Variants in UBA1 observed in about 807,000 individuals in gnomAD.
The protein encoded by UBA1 is ubiquitin-like modifier-activating enzyme 1.
In UBA1, 4 loss-of-function variants were observed where a neutral mutation model predicts 84.7. The observed-to-expected ratio is 0.05, with a 90% CI of 0.02 to 0.11. UBA1 has a LOEUF of 0.11. Ranked by LOEUF, UBA1 falls within the 10% of genes least tolerant of loss-of-function variation. The probability of loss-of-function intolerance (pLI) is 1.00; values close to 1 mark genes in which losing one functional copy is unlikely to be tolerated. For missense variants in UBA1, 513 were observed against 902.8 expected, an observed-to-expected ratio of 0.57 and a Z score of 5.53; for synonymous variants, 364 against 362.6, an observed-to-expected ratio of 1.00 and a Z score of -0.04.
rs1257662841 is a variant in UBA1, at chrX:47,203,573, C to T, written c.1452C>T (p.Leu484=). The T allele has an allele frequency of 1.7e-6, 2 of 1,208,298 alleles. No homozygotes were observed. The highest frequency in any genetic ancestry group is 2.2e-6 in the Non-Finnish European group (2 of 894,823). Reference sequence around the variant, plus strand: ...CGGGGGCCATTGGCTGTGAGCTGCTCAAGAACTTTGCCATGATTGGGCTGG... The same window carrying T: ...CGGGGGCCATTGGCTGTGAGCTGCTTAAGAACTTTGCCATGATTGGGCTGG... ...VGAGAIGCEL[L]KNFAMIGLGC... The change falls in exon 14 of 26, where the codon CTC becomes CTT. Residue 484 remains leucine, a synonymous_variant. Coordinates refer to ENST00000335972, the MANE Select transcript of UBA1 (RefSeq NM_003334.4).
At chrX:47,193,619 G>T (rs1032242939), upstream of UBA1, among the ~76,000 whole-genome samples, 1 of 112,713 alleles carries the variant, frequency 8.9e-6, no homozygotes, top group African/African-American at 3.2e-5. Context: ...TTCATTAGTC[G>T]CATTCCATGA....
At chrX:47,211,258 C>G in intron 20 of UBA1, 33 bp downstream of exon 20, 4 of 1,187,999 alleles carry the variant, frequency 3.4e-6, no homozygotes, top group Non-Finnish European at 4.5e-6. Context: ...CCAGGAGTCA[C>G]CCCACATGTC....
At position 47,212,765 on chromosome X, in the gene UBA1, T is replaced by A. The variant is rs370565575; in HGVS notation, c.2554-6T>A. On this transcript the variant is annotated splice_polypyrimidine_tract_variant and splice_region_variant and intron_variant, in intron 21 of 25. Transcript: ENST00000335972. ...ACTGCCTTCACACCCTCCCCACTCA[T>A]AACAGGATGATGACAGCAACTTTCA... 1.2e-5 allele frequency: 14 copies of A among 1,208,900 alleles called. No homozygotes were observed. The highest frequency in any genetic ancestry group is 1.6e-5 in the Non-Finnish European group (14 of 893,275).
chrX:47,213,588 G>A (rs782146662), intron 23 of UBA1, among the ~76,000 whole-genome samples: 4 of 112,307 alleles, frequency 3.6e-5, no homozygotes, highest in Admixed American at 9.4e-5. Flanking sequence ...AAAAGAGGCC[G>A]GGCGTGGTGG....
chrX:47,205,011 A>C lies in UBA1; in HGVS notation c.1576-937A>C, dbSNP rs1193669908. On this transcript the variant is annotated intron_variant, in intron 14 of 25. Transcript: ENST00000335972. The stretch of plus-strand genomic sequence containing the variant: ...TTAATGTTGGTGATGAGTGCTCCTC[A>C]AAGGAAACAACTAAAACCAGACAAG... 3.2e-5 allele frequency: 4 copies of C among 126,072 alleles called. No individual in the cohort carries two copies. The Admixed American group carries it at 3.3e-4, about 11-fold the overall frequency. The allele number at this position is 126,072 out of a possible 1,213,427, so 10.4% of individuals were successfully genotyped here.
At chrX:47,202,005 A>G (rs782128171) in intron 8 of UBA1, 151 bp from the exon 9 acceptor site, 1 of 536,368 alleles carries the variant, frequency 1.9e-6, no homozygotes, top group Admixed American at 2.7e-5. Flanking sequence ...CACAGGAGAG[A>G]TGGTTTCTGA....
intron 1 of UBA1, among the ~76,000 whole-genome samples, chrX:47,195,093 C>T (rs1936153397): frequency 1.8e-5 from 2 of 111,401 alleles, no homozygotes; most frequent in African/African-American, 6.5e-5. Flanking sequence ...TCACAGATCC[C>T]TTATCCTCAC....
chrX:47,205,713 G>A, intron 14 of UBA1: 1 of 436,713 alleles, frequency 2.3e-6, no homozygotes. Flanking sequence ...AATTAGCCAC[G>A]CATGGTGGCA....
At chrX:47,211,327 AC>A in intron 20 of UBA1, 102 bp downstream of exon 20, 2 of 968,707 alleles carry the variant, frequency 2.1e-6, no homozygotes, top group Non-Finnish European at 2.9e-6. Context: ...CTGCTCTGTG[AC>A]CCCAGGCCTG....
rs374197052 is a variant in UBA1, at chrX:47,202,350, C to T, written c.910-8C>T. The T allele has an allele frequency of 8.7e-5, 105 of 1,208,804 alleles. No homozygotes were observed. The highest frequency in any genetic ancestry group is 1.1e-4 in the Non-Finnish European group (96 of 894,497). On this transcript the variant is annotated splice_polypyrimidine_tract_variant and splice_region_variant and intron_variant, in intron 9 of 25. Transcript: ENST00000335972. ...TTCTGGTTCTGATGACCTCTCCCCC[C>T]GCCACAGAAATCCTTGGTGGCCTCA...
At chrX:47,201,024 C>T (rs782263780) in intron 6 of UBA1, 24 bp downstream of exon 6, 1 of 1,137,437 alleles carries the variant, frequency 8.8e-7, no homozygotes, top group East Asian at 3.2e-5. Context: ...CACCTCCCTC[C>T]CTGTCCCCTT....
At chrX:47,205,862 TA>T (rs1179232081) in intron 14 of UBA1, 85 bp from the exon 15 acceptor site, 1 of 1,071,580 alleles carries the variant, frequency 9.3e-7, no homozygotes, top group Non-Finnish European at 1.3e-6. Context: ...TCAAAAAAAA[TA>T]AAGATGTTTG....
In UBA1 at chrX:47,199,434, G is replaced by A. The variant is rs911409255; in HGVS notation, c.346-46G>A. On this transcript the variant is annotated intron_variant, in intron 4 of 25. Coordinates refer to ENST00000335972, the MANE Select transcript of UBA1 (RefSeq NM_003334.4). ...CCCTTCCCGAGGCACCACTGTTCCC[G>A]GTGCCACAGCCATTTCATCTTTTTC... The A allele has an allele frequency of 8.3e-6, 10 of 1,209,985 alleles. No homozygotes were observed. In the South Asian group the frequency reaches 8.8e-5, roughly 11 times the overall value.
At chrX:47,201,391 C>T (rs782775397) in intron 7 of UBA1, 25 bp downstream of exon 7, 1 of 1,208,894 alleles carries the variant, frequency 8.3e-7, no homozygotes, top group South Asian at 1.8e-5. Flanking sequence ...CCTAGGGTTC[C>T]TGGCAGGCAG....
In UBA1 at chrX:47,202,422, G is replaced by A. The variant is rs781934104; in HGVS notation, c.974G>A (p.Arg325His). The A allele has an allele frequency of 6.6e-6, 8 of 1,209,370 alleles. No individual in the cohort carries two copies. Among genetic ancestry groups the A allele is most frequent in the South Asian group, 5.3e-5 (3 of 56,444 alleles). The change falls in exon 10 of 26, where the codon CGC becomes CAC. Residue 325 changes from arginine to histidine, a missense_variant. Physicochemically the swap from Arg to His is conservative, Grantham distance 29. Transcript: ENST00000335972. ...GTGACGGACTTCGCCAAGTTTTCTCGCCCTGCCCAGCTGCACATTGGCTTC... is the reference window on the plus strand; with the variant it reads ...GTGACGGACTTCGCCAAGTTTTCTCACCCTGCCCAGCTGCACATTGGCTTC... ...FVVTDFAKFSRPAQLHIGFQA... is the reference protein window; with the variant it reads ...FVVTDFAKFSHPAQLHIGFQA...
rs1936896092 is a variant in UBA1 at position 47,211,071 on chromosome X, C to T, written c.2310C>T (p.Asn770=). The change falls in exon 20 of 26, where the codon AAC becomes AAT. Residue 770 remains asparagine (N), a synonymous_variant. Transcript: ENST00000335972. ...TGGACTATGTGATGGCTGCTGCCAA[C>T]CTGTTTGCCCAGACCTACGGGCTGA... ...LHLDYVMAAA[N]LFAQTYGLTG... is the part of the protein sequence containing the mutation. The T allele has an allele frequency of 2.5e-6, 3 of 1,210,133 alleles. No individual in the cohort carries two copies. Among genetic ancestry groups the T allele is most frequent in the South Asian group, 3.5e-5 (2 of 56,858 alleles).
chrX:47,208,272 CGTGTGT>C (rs144601357), intron 16 of UBA1, among the ~76,000 whole-genome samples: 1,715 of 106,474 alleles, frequency 0.016, 28 homozygotes, highest in African/African-American at 0.055. Flanking sequence ...AGTGTCTGTA[CGTGTGT>C]GTGTGTGTGT....
At chrX:47,208,272 C>CGTGT (rs144601357) in intron 16 of UBA1, among the ~76,000 whole-genome samples, 5,007 of 106,420 alleles carry the variant, frequency 0.047, 265 homozygotes, top group African/African-American at 0.15. Context: ...AGTGTCTGTA[C>CGTGT]GTGTGTGTGT....
chrX:47,214,123 AGT>A (rs1285560250), intron 23 of UBA1, among the ~76,000 whole-genome samples: 7 of 110,671 alleles, frequency 6.3e-5, no homozygotes, highest in Non-Finnish European at 1.3e-4. Flanking sequence ...CCCCAGAGTG[AGT>A]GTGAGATTGA....
Sources: allele counts gnomAD v4.1 joint callset (sites outside exome capture counted in the v4.1 genomes callset), GRCh38; gene constraint gnomAD v4.1.1; transcripts MANE v1.5; gene names NCBI Gene and HGNC (gene_info 2026-07-23, HGNC 2026-07-21).